FBXO33: variants seen among roughly 807,000 people sequenced by gnomAD.
FBXO33 encodes F-box only protein 33.
Under a neutral mutation model 46.3 loss-of-function variants are expected in FBXO33, and 22 were observed. That is an observed-to-expected ratio of 0.48 (90% CI 0.34 to 0.68). The LOEUF is 0.68. Ranked by LOEUF, FBXO33 falls within the 30% of genes least tolerant of loss-of-function variation. The probability of loss-of-function intolerance (pLI) is 0.01; values close to 1 mark genes in which losing one functional copy is unlikely to be tolerated. For synonymous variants in FBXO33, 337 were observed against 291.3 expected (o/e 1.16, Z -1.60); for missense variants, 692 against 708.8 (o/e 0.98, Z 0.27).
intron 1 of FBXO33, among the ~76,000 whole-genome samples, chr14:39,421,594 G>C (rs890718395): frequency 2.0e-5 from 3 of 152,218 alleles, no homozygotes; most frequent in African/African-American, 7.2e-5. Context: ...AAAAATTTCA[G>C]GTGACCATAG....
chr14:39,405,739 T>A (rs1001915023), intron 1 of FBXO33, among the ~76,000 whole-genome samples: 1 of 151,586 alleles, frequency 6.6e-6, no homozygotes, highest in Non-Finnish European at 1.5e-5. Flanking sequence ...AAAATTCATA[T>A]ATAAAATCAC....
In FBXO33 at chr14:39,413,123, T is replaced by C. The variant is rs901226217; in HGVS notation, c.600-10612A>G. ...AATAGCTTTTTATCCACAGGAGAGA[T>C]TGTTTTTACAATTGGACTCAATCCC... On this transcript the variant is annotated intron_variant, in intron 1 of 3. Transcript: ENST00000298097. 3.3e-4 allele frequency among the ~76,000 whole-genome samples: 51 copies of C among 152,258 alleles called. 1 individual carries two copies. Among genetic ancestry groups the C allele is most frequent in the African/African-American group, 1.1e-3 (45 of 41,466 alleles).
chr14:39,428,340 G>C (rs2060773519), intron 1 of FBXO33, among the ~76,000 whole-genome samples: 1 of 151,934 alleles, frequency 6.6e-6, no homozygotes, highest in African/African-American at 2.4e-5. Context: ...TGAGTAGCTG[G>C]GATTACAGGC....
At chr14:39,424,971 C>T (rs1299036467) in intron 1 of FBXO33, among the ~76,000 whole-genome samples, 3 of 151,990 alleles carry the variant, frequency 2.0e-5, no homozygotes. Context: ...AGAATCGCTT[C>T]CACCTGGGAG....
intron 1 of FBXO33, among the ~76,000 whole-genome samples, chr14:39,422,740 T>C (rs1366693241): frequency 6.6e-6 from 1 of 152,216 alleles, no homozygotes; most frequent in Non-Finnish European, 1.5e-5. Context: ...CTAACAAAGT[T>C]TTTGTTTCAG....
At chr14:39,405,093 G>A (rs1314447396) in intron 1 of FBXO33, among the ~76,000 whole-genome samples, 1 of 146,260 alleles carries the variant, frequency 6.8e-6, no homozygotes, top group East Asian at 2.0e-4. Context: ...AGGTTGCAGT[G>A]AGCCGAGATC....
At chr14:39,399,922 CT>C in intron 3 of FBXO33, 135 bp from the exon 4 acceptor site, 1 of 1,006,440 alleles carries the variant, frequency 9.9e-7, no homozygotes, top group South Asian at 2.8e-5. Context: ...GGTCTTTTTC[CT>C]TTAGAAATAT....
At chr14:39,422,866 G>A (rs576286439) in intron 1 of FBXO33, among the ~76,000 whole-genome samples, 4 of 152,346 alleles carry the variant, frequency 2.6e-5, no homozygotes, top group Admixed American at 1.3e-4. Flanking sequence ...GCTCATGCCT[G>A]TAATCCTAGC....
chr14:39,411,862 T>C (rs1041874224), intron 1 of FBXO33, among the ~76,000 whole-genome samples: 1 of 152,220 alleles, frequency 6.6e-6, no homozygotes, highest in Non-Finnish European at 1.5e-5. Flanking sequence ...TTAATTTCCA[T>C]ATATTTGTAA....
intron 1 of FBXO33, among the ~76,000 whole-genome samples, chr14:39,412,630 T>C (rs2075429073): frequency 6.6e-6 from 1 of 152,082 alleles, no homozygotes; most frequent in Non-Finnish European, 1.5e-5. Context: ...TGTCTTCCTT[T>C]GTGATTTGAT....
intron 3 of FBXO33, among the ~76,000 whole-genome samples, chr14:39,400,254 T>C (rs1308652968): frequency 5.3e-5 from 8 of 152,224 alleles, no homozygotes; most frequent in African/African-American, 1.9e-4. Flanking sequence ...AAAGGTAAAC[T>C]GTTAATTGTC....
At chr14:39,429,846 G>A (rs2075534360) in intron 1 of FBXO33, among the ~76,000 whole-genome samples, 1 of 152,172 alleles carries the variant, frequency 6.6e-6, no homozygotes, top group Middle Eastern at 3.2e-3. Context: ...TAGGGGTAAG[G>A]AAGAGAAGGA....
intron 1 of FBXO33, among the ~76,000 whole-genome samples, chr14:39,424,331 T>A (rs12590172): frequency 6.6e-6 from 1 of 151,946 alleles, no homozygotes; most frequent in Non-Finnish European, 1.5e-5. Context: ...GTAGCATATA[T>A]TACCAACTGA....
chr14:39,409,804 AT>A (rs2075414390), intron 1 of FBXO33, among the ~76,000 whole-genome samples: 1 of 152,078 alleles, frequency 6.6e-6, no homozygotes, highest in Non-Finnish European at 1.5e-5. Context: ...TTCCCTAAAT[AT>A]TTTGTTCTTT....
intron 1 of FBXO33, among the ~76,000 whole-genome samples, chr14:39,418,665 C>A (rs1020626363): frequency 4.0e-5 from 6 of 150,526 alleles, no homozygotes; most frequent in Admixed American, 1.3e-4. Flanking sequence ...GTCCCAGCTA[C>A]TCGGGAGGCT....
intron 1 of FBXO33, among the ~76,000 whole-genome samples, chr14:39,427,829 T>C (rs2075523456): frequency 1.3e-5 from 2 of 152,098 alleles, no homozygotes; most frequent in Admixed American, 1.3e-4. Context: ...ATGCCTGTAG[T>C]CCTAGCTACT....
chr14:39,427,453 C>A (rs1417066476), intron 1 of FBXO33, among the ~76,000 whole-genome samples: 3 of 152,030 alleles, frequency 2.0e-5, no homozygotes, highest in Non-Finnish European at 4.4e-5. Context: ...TGTAAATGGG[C>A]TTTTTAAAGT....
In FBXO33 at chr14:39,399,389, T is replaced by C. The variant is rs1595980681; in HGVS notation, c.*127A>G. On this transcript the variant is annotated 3_prime_UTR_variant, in exon 4 of 4. Transcript: ENST00000298097. ...CTTTGATCAAGAAGTAGAATATACATATATAATTCTATAAAGCTAATACTG... is the reference window on the plus strand; with the variant it reads ...CTTTGATCAAGAAGTAGAATATACACATATAATTCTATAAAGCTAATACTG... 5.0e-6 allele frequency: 4 copies of C among 804,082 alleles called. No homozygotes were observed. The East Asian group carries it at 1.1e-4, about 22-fold the overall frequency. 49.8% of individuals were successfully genotyped at this position (804,082 alleles called of 1,614,324 possible). A position where few individuals can be genotyped will look rare whatever the true frequency, so the allele number is the denominator to read the frequency against.
At chr14:39,410,411 T>A (rs969592610) in intron 1 of FBXO33, among the ~76,000 whole-genome samples, 1 of 152,250 alleles carries the variant, frequency 6.6e-6, no homozygotes, top group East Asian at 1.9e-4. Context: ...ATCCTTTTAA[T>A]GTGCTGTCAA....
Sources: gnomAD v4.1 joint callset for allele counts (sites outside exome capture counted in the v4.1 genomes callset) on GRCh38, gnomAD v4.1.1 for gene constraint, MANE v1.5 for transcripts, NCBI Gene and HGNC (gene_info 2026-07-23, HGNC 2026-07-21) for gene names.